The following ANK3 variants were observed in gnomAD, a reference collection of about 807,000 sequenced individuals.
ANK3 encodes ankyrin 3.
In ANK3, 57 loss-of-function variants were observed where a neutral mutation model predicts 370.9. The observed-to-expected ratio is 0.15, with a 90% confidence interval of 0.12 to 0.19. ANK3 has a LOEUF of 0.19. Ranked by LOEUF, ANK3 falls within the 10% of genes least tolerant of loss-of-function variation. The pLI is 1.00. For missense variants in ANK3, 4,439 were observed against 5,302.1 expected (o/e 0.84, Z 5.06); for synonymous variants, 1,929 against 1,946.3 (o/e 0.99, Z 0.23).
In ANK3 at chr10:60,181,321, C is replaced by T. The variant is rs780295330; in HGVS notation, c.2184+8G>A. The T allele has an allele frequency of 3.2e-5, 51 of 1,612,922 alleles. No homozygotes were observed. The highest frequency in any genetic ancestry group is 1.3e-5 in the African/African-American group (1 of 74,888). ...TTCTTTTCCGTGTGGCAAGGGAGGG[C>T]CGTATACCTTTGTCTGGGCGTCCAC... On this transcript the variant is annotated splice_region_variant and intron_variant, in intron 18 of 43. Coordinates refer to ENST00000280772, the MANE Select transcript of ANK3 (RefSeq NM_020987.5).
intron 1 of ANK3, among the ~76,000 whole-genome samples, chr10:60,680,137 G>GGAA (rs1554808042): frequency 8.6e-5 from 11 of 128,400 alleles, no homozygotes; most frequent in Admixed American, 6.6e-4. Flanking sequence ...TCTGTCTCGG[G>GGAA]AAAAAAAAAA....
intron 2 of ANK3, among the ~76,000 whole-genome samples, chr10:60,522,746 G>C (rs902221755): frequency 6.6e-6 from 1 of 151,984 alleles, no homozygotes; most frequent in African/African-American, 2.4e-5. Context: ...TGAGTTAAAG[G>C]ATATTTTTAA....
chr10:60,715,919 T>TAA (rs10687856), intron 1 of ANK3, among the ~76,000 whole-genome samples: 152,278 of 152,286 alleles, frequency 1, 76,135 homozygotes, highest in Middle Eastern at 1. Flanking sequence ...CAAGAAATAT[T>TAA]AAATGTGTAT....
intron 2 of ANK3, among the ~76,000 whole-genome samples, chr10:60,452,761 G>T (rs1319931730): frequency 2.0e-5 from 3 of 152,126 alleles, no homozygotes; most frequent in Non-Finnish European, 2.9e-5. Flanking sequence ...GCAGATTTGG[G>T]TGTCTCTTAC....
chr10:60,458,374 G>A (rs2064802506), intron 2 of ANK3, among the ~76,000 whole-genome samples: 2 of 151,986 alleles, frequency 1.3e-5, no homozygotes, highest in Non-Finnish European at 1.5e-5. Context: ...TCTTAGGGAG[G>A]GTCCTAATAT....
At chr10:60,298,455 G>A (rs2042995169) in intron 1 of ANK3, among the ~76,000 whole-genome samples, 1 of 152,124 alleles carries the variant, frequency 6.6e-6, no homozygotes, top group Non-Finnish European at 1.5e-5. Context: ...ATGAAGGCAG[G>A]AGAGGAATAA....
chr10:60,150,554 T>C (rs1013513566), intron 23 of ANK3, among the ~76,000 whole-genome samples: 3 of 152,056 alleles, frequency 2.0e-5, no homozygotes, highest in African/African-American at 7.2e-5. Context: ...GTGTTGGAGG[T>C]AGGGCCTTGT....
chr10:60,057,250 A>T (rs550436008), intron 41 of ANK3, among the ~76,000 whole-genome samples: 4 of 152,206 alleles, frequency 2.6e-5, no homozygotes, highest in African/African-American at 9.6e-5. Flanking sequence ...TAACTATTAA[A>T]ACTCTTTCCT....
intron 2 of ANK3, among the ~76,000 whole-genome samples, chr10:60,538,479 G>A (rs1039817490): frequency 1.5e-4 from 23 of 151,736 alleles, no homozygotes; most frequent in African/African-American, 5.6e-4. Flanking sequence ...CTCCCATGTT[G>A]CCTCTTAAAA....
intron 1 of ANK3, among the ~76,000 whole-genome samples, chr10:60,700,738 G>A (rs1197469018): frequency 6.6e-6 from 1 of 152,072 alleles, no homozygotes; most frequent in East Asian, 1.9e-4. Context: ...CAATTGAATA[G>A]AAAGAATATG....
At chr10:60,676,492 A>G (rs74155670) in intron 1 of ANK3, among the ~76,000 whole-genome samples, 1,775 of 152,320 alleles carry the variant, frequency 0.012, 33 homozygotes, top group African/African-American at 0.04. Flanking sequence ...GTACTTTGTC[A>G]TATTTGCTGA....
intron 2 of ANK3, among the ~76,000 whole-genome samples, chr10:60,516,736 C>A (rs1204809948): frequency 6.6e-6 from 1 of 152,044 alleles, no homozygotes; most frequent in East Asian, 1.9e-4. Flanking sequence ...CTGTGAATAG[C>A]CACTGCACGC....
chr10:60,328,668 G>T (rs1593856879), intron 1 of ANK3, among the ~76,000 whole-genome samples: 1 of 152,094 alleles, frequency 6.6e-6, no homozygotes, highest in Admixed American at 6.5e-5. Flanking sequence ...ACCAAAAAAA[G>T]CCCAGGACCA....
intron 1 of ANK3, among the ~76,000 whole-genome samples, chr10:60,721,735 A>G (rs990668809): frequency 9.2e-5 from 14 of 152,324 alleles, no homozygotes; most frequent in African/African-American, 2.6e-4. Flanking sequence ...ACATAAATGC[A>G]CATTAAGGTA....
intron 1 of ANK3, among the ~76,000 whole-genome samples, chr10:60,324,303 G>A (rs1030658990): frequency 4.6e-5 from 7 of 152,192 alleles, no homozygotes; most frequent in Non-Finnish European, 1.0e-4. Flanking sequence ...TGTGGCAGCA[G>A]GGACTTATTA....
chr10:60,070,131 G>A lies in ANK3; in HGVS notation c.10750C>T (p.Pro3584Ser). ...RSPATTPDTT[P>S]ARTPTDESTP... is the part of the protein sequence containing the mutation. Reference sequence around the variant, plus strand: ...CTTTCATCAGTTGGCGTTCTGGCTGGCGTTGTATCAGGGGTTGTTGCTGGA... The same window carrying A: ...CTTTCATCAGTTGGCGTTCTGGCTGACGTTGTATCAGGGGTTGTTGCTGGA... Residue 3584 changes from proline (P) to serine (S), a missense_variant, in exon 37 of 44, where the codon CCA (proline) becomes TCA (serine). Physicochemically the swap from Pro to Ser is moderately conservative, Grantham distance 74. Transcript: ENST00000280772. The surrounding 1 kb of genome is among the most constrained non-coding windows in gnomAD (Gnocchi z 5.7). 6.2e-7 allele frequency: 1 copy of A among 1,614,150 alleles called. No individual in the cohort carries two copies. The highest frequency in any genetic ancestry group is 8.5e-7 in the Non-Finnish European group (1 of 1,179,998).
chr10:60,263,938 C>A lies in ANK3; in HGVS notation c.596G>T (p.Gly199Val). 2 of 1,614,094 alleles carry A rather than the reference C, an allele frequency of 1.2e-6. No homozygotes were observed. Among genetic ancestry groups the A allele is most frequent in the Non-Finnish European group, 1.7e-6 (2 of 1,180,014 alleles). Residue 199 changes from glycine (G) to valine (V), a missense_variant, in exon 6 of 44, where the codon GGA becomes GTA. Coordinates refer to ENST00000280772, the MANE Select transcript of ANK3 (RefSeq NM_020987.5). ...ATGAAGAGCTGGGAGACGCACTTTTCCTTTGGTGTCATTCTCTAGCAGGAG... is the reference window on the plus strand; with the variant it reads ...ATGAAGAGCTGGGAGACGCACTTTTACTTTGGTGTCATTCTCTAGCAGGAG... The part of the protein sequence containing the change: ...VSLLLENDTK[G>V]KVRLPALHIA...
intron 2 of ANK3, among the ~76,000 whole-genome samples, chr10:60,460,757 A>G (rs1179797406): frequency 6.6e-6 from 1 of 152,190 alleles, no homozygotes; most frequent in East Asian, 1.9e-4. Flanking sequence ...TTTTCCACAT[A>G]AAGACACTAA....
At chr10:60,289,139 A>G (rs1365872217) in intron 1 of ANK3, among the ~76,000 whole-genome samples, 2 of 152,162 alleles carry the variant, frequency 1.3e-5, no homozygotes, top group Non-Finnish European at 2.9e-5. Context: ...AAGTGATATA[A>G]GAGGCATTCT....
Sources: allele counts gnomAD v4.1 joint callset (sites outside exome capture counted in the v4.1 genomes callset), GRCh38; gene constraint gnomAD v4.1.1; non-coding constraint Gnocchi (gnomAD v3.1); transcripts MANE v1.5; gene names NCBI Gene and HGNC (gene_info 2026-07-23, HGNC 2026-07-21).